DOCK3: variants seen among roughly 807,000 people sequenced by gnomAD.
DOCK3 encodes dedicator of cytokinesis 3.
In DOCK3, 60 loss-of-function variants were observed where a neutral mutation model predicts 265.6. The observed-to-expected ratio is 0.23, with a 90% CI of 0.18 to 0.28. DOCK3 has a LOEUF of 0.28. DOCK3 is among the 10% of genes least tolerant of loss of function. The pLI, the probability that DOCK3 is intolerant of heterozygous loss-of-function variation, is 1.00. For synonymous variants in DOCK3, 881 were observed against 938.0 expected, an observed-to-expected ratio of 0.94 and a Z score of 1.11; for missense variants, 1,981 against 2,594.3, an observed-to-expected ratio of 0.76 and a Z score of 5.14.
rs181727911 is a variant in DOCK3 at position 50,865,160 on chromosome 3, A to G, written c.162+23445A>G. The stretch of plus-strand genomic sequence containing the variant: ...TTTGTGTTACCAACAGTCTAATTAT[A>G]CTGTTTTAATTATTTTTAAATGTAC... On this transcript the variant is annotated intron_variant, in intron 3 of 52. Coordinates refer to ENST00000266037, the MANE Select transcript of DOCK3 (RefSeq NM_004947.5). Among the ~76,000 whole-genome samples, 113 of 152,218 alleles carry G rather than the reference A, an allele frequency of 7.4e-4. 3 individuals carry two copies. Among genetic ancestry groups the G allele is most frequent in the Admixed American group, 6.5e-3 (100 of 15,286 alleles).
chr3:50,821,894 TGCTGTTTTGATTACTGTA>T (rs1387798699), intron 2 of DOCK3, among the ~76,000 whole-genome samples: 34 of 152,372 alleles, frequency 2.2e-4, no homozygotes, highest in African/African-American at 7.9e-4. Flanking sequence ...ACCAGTACCA[TGCTGTTTTGATTACTGTA>T]GCCTAATAGT....
rs1480605698 is a variant in DOCK3, at chr3:51,333,227, C to T, written c.3585C>T (p.Arg1195=). The T allele has an allele frequency of 1.9e-6, 3 of 1,613,304 alleles. No individual in the cohort carries two copies. Among genetic ancestry groups the T allele is most frequent in the African/African-American group, 1.3e-5 (1 of 74,914 alleles). ...TGISFVTSVT[R]LMERLLDYRD... ...TTTCCTTTGTGACCTCAGTCACCCG[C>T]CTCATGGAACGTCTTCTTGACTACA... Residue 1195 remains arginine, a synonymous_variant, in exon 35 of 53, where the codon CGC becomes CGT. Coordinates refer to ENST00000266037, the MANE Select transcript of DOCK3 (RefSeq NM_004947.5).
At chr3:51,183,669 A>G (rs2087429035) in intron 12 of DOCK3, among the ~76,000 whole-genome samples, 1 of 152,202 alleles carries the variant, frequency 6.6e-6, no homozygotes, top group African/African-American at 2.4e-5. Context: ...AAATGATAAA[A>G]TAGAAGTAAA....
At chr3:50,880,481 A>T (rs1289469297) in intron 3 of DOCK3, 2 of 167,096 alleles carry the variant, frequency 1.2e-5, no homozygotes, top group Admixed American at 6.5e-5. Context: ...AACTACCATC[A>T]GAAAACACTG....
chr3:50,726,993 A>G (rs1482987365), intron 1 of DOCK3, among the ~76,000 whole-genome samples: 1 of 152,180 alleles, frequency 6.6e-6, no homozygotes, highest in Admixed American at 6.5e-5. Flanking sequence ...AATATACACA[A>G]ACAGCTAAAG....
chr3:51,284,246 GA>G (rs1018524249), intron 27 of DOCK3, among the ~76,000 whole-genome samples: 2 of 151,930 alleles, frequency 1.3e-5, no homozygotes, highest in East Asian at 3.9e-4. Flanking sequence ...TAGACCTCAG[GA>G]AAAAAAATTG....
At chr3:51,303,216 G>A (rs548947028) in intron 27 of DOCK3, among the ~76,000 whole-genome samples, 1 of 151,312 alleles carries the variant, frequency 6.6e-6, no homozygotes, top group South Asian at 2.1e-4. Context: ...ATTGATACTT[G>A]TGTTTACACT....
At chr3:50,776,100 A>T (rs890505306) in intron 1 of DOCK3, among the ~76,000 whole-genome samples, 1 of 152,128 alleles carries the variant, frequency 6.6e-6, no homozygotes, top group Non-Finnish European at 1.5e-5. Context: ...TTGAGTGGAT[A>T]CCCAGTAGTG....
chr3:51,015,564 A>G (rs1028382536), intron 5 of DOCK3, among the ~76,000 whole-genome samples: 3 of 150,482 alleles, frequency 2.0e-5, no homozygotes, highest in African/African-American at 7.3e-5. Flanking sequence ...GTCAATATTT[A>G]TCAGATATAT....
intron 4 of DOCK3, among the ~76,000 whole-genome samples, chr3:50,917,027 G>A (rs576232462): frequency 1.1e-4 from 16 of 151,994 alleles, no homozygotes; most frequent in African/African-American, 2.7e-4. Flanking sequence ...GGAAAGACAC[G>A]GATGTTCCAA....
At chr3:51,201,377 A>C (rs1051467034) in intron 12 of DOCK3, among the ~76,000 whole-genome samples, 5 of 152,128 alleles carry the variant, frequency 3.3e-5, no homozygotes, top group Non-Finnish European at 2.9e-5. Flanking sequence ...TTGCAATCCT[A>C]GTCTCTGATA....
chr3:51,374,386 TC>T lies in DOCK3; in HGVS notation c.5294-80del. 2.3e-6 allele frequency: 3 copies of T among 1,294,818 alleles called. No individual in the cohort carries two copies. Among genetic ancestry groups the T allele is most frequent in the Non-Finnish European group, 3.3e-6 (3 of 913,070 alleles). The allele number at this position is 1,294,818 out of a possible 1,614,324, so 80.2% of individuals were successfully genotyped here. On this transcript the variant is annotated intron_variant, in intron 49 of 52. Transcript: ENST00000266037. The surrounding 1 kb of genome is among the most constrained non-coding windows in gnomAD (Gnocchi z 4.8). ...AACTGTAAGGGACACCTACCCTGGT[TC>T]CCTAGTCCTGAGGATGCTTGACTGC...
intron 7 of DOCK3, among the ~76,000 whole-genome samples, chr3:51,083,548 A>C (rs1212759798): frequency 6.6e-6 from 1 of 152,228 alleles, no homozygotes; most frequent in Non-Finnish European, 1.5e-5. Flanking sequence ...AAAAAATCAG[A>C]AAAGCAATTC....
In DOCK3 at chr3:51,374,234, C is replaced by T. The variant is rs2087911155; in HGVS notation, c.5294-235C>T. On this transcript the variant is annotated intron_variant, in intron 49 of 52. Transcript: ENST00000266037. This position sits in a 1 kb window ranked among gnomAD's most constrained non-coding sequence, Gnocchi z 4.8. ...CTGAGCATGGTGGGGACTCTGTCAG[C>T]GGATCTGCATCTCACCAGCCTGCTG... is the stretch of plus-strand genomic sequence containing the variant. Among the ~76,000 whole-genome samples, 1 of 152,220 alleles carries T rather than the reference C, an allele frequency of 6.6e-6. No individual in the cohort carries two copies. The highest frequency in any genetic ancestry group is 6.5e-5 in the Admixed American group (1 of 15,284).
intron 14 of DOCK3, among the ~76,000 whole-genome samples, chr3:51,222,882 A>G (rs534693181): frequency 6.6e-6 from 1 of 152,342 alleles, no homozygotes; most frequent in African/African-American, 2.4e-5. Flanking sequence ...ATCTCTGTAT[A>G]GTCAACACAG....
intron 4 of DOCK3, among the ~76,000 whole-genome samples, chr3:50,900,157 G>T (rs1177519929): frequency 2.0e-5 from 3 of 152,080 alleles, no homozygotes; most frequent in Non-Finnish European, 4.4e-5. Context: ...CATATTTCTT[G>T]GAGGCGTTTT....
chr3:51,049,832 A>ACC (rs1559990029), intron 5 of DOCK3, among the ~76,000 whole-genome samples: 79 of 64,452 alleles, frequency 1.2e-3, no homozygotes, highest in African/African-American at 3.6e-3. Context: ...CACACACCCC[A>ACC]AAAAAACACT....
chr3:50,702,633 G>A lies in DOCK3; in HGVS notation c.37+27333G>A, dbSNP rs9814288. Among the ~76,000 whole-genome samples the A allele has an allele frequency of 2.8e-3, 425 of 152,120 alleles. 3 individuals are homozygous for A. The highest frequency in any genetic ancestry group is 9.8e-3 in the African/African-American group (407 of 41,492). The stretch of plus-strand genomic sequence containing the variant: ...ATCTGCCTGTCTTGTCCTCCCAAAT[G>A]GCTGGGATTACAGATGTGAGCCACT... On this transcript the variant is annotated intron_variant, in intron 1 of 52. Transcript: ENST00000266037.
chr3:50,718,314 G>A (rs1031091473), intron 1 of DOCK3, among the ~76,000 whole-genome samples: 4 of 152,134 alleles, frequency 2.6e-5, no homozygotes, highest in African/African-American at 7.2e-5. Flanking sequence ...GTTTTTGGGT[G>A]TTCAGCACTG....
Sources: gnomAD v4.1 joint callset for allele counts (sites outside exome capture counted in the v4.1 genomes callset) on GRCh38, gnomAD v4.1.1 for gene constraint, Gnocchi (gnomAD v3.1) non-coding constraint, MANE v1.5 for transcripts, NCBI Gene and HGNC (gene_info 2026-07-23, HGNC 2026-07-21) for gene names.